The following GLT8D2 variants were observed in gnomAD, a reference collection of about 807,000 sequenced individuals.
The protein encoded by GLT8D2 is glycosyltransferase 8 domain containing 2, also known as glycosyltransferase 8 domain-containing protein 2.
A neutral mutation model predicts 44.5 loss-of-function variants in GLT8D2; 45 were observed. The ratio of observed to expected loss-of-function variants is 1.01; its 90% CI spans 0.80 to 1.30. GLT8D2 has a LOEUF of 1.30. GLT8D2 is among the 50% of genes most tolerant of loss of function. The pLI is 0.00. For missense variants in GLT8D2, 400 were observed against 430.4 expected, an observed-to-expected ratio of 0.93 and a Z score of 0.62; for synonymous variants, 156 against 157.2, an observed-to-expected ratio of 0.99 and a Z score of 0.06.
intron 9 of GLT8D2, chr12:103,993,730 T>C: frequency 2.5e-6 from 1 of 399,864 alleles, no homozygotes. Context: ...AGTGTTAATA[T>C]TTTGCCATTT....
At chr12:104,007,651 T>C (rs1875250959) in intron 4 of GLT8D2, among the ~76,000 whole-genome samples, 1 of 152,264 alleles carries the variant, frequency 6.6e-6, no homozygotes, top group South Asian at 2.1e-4. Flanking sequence ...TGTCTATTTA[T>C]GGAATTAGGA....
At chr12:104,039,736 G>A (rs1202263465) in intron 1 of GLT8D2, among the ~76,000 whole-genome samples, 1 of 152,204 alleles carries the variant, frequency 6.6e-6, no homozygotes, top group Non-Finnish European at 1.5e-5. Context: ...AAGACAGTGT[G>A]GTGATGCCTC....
intron 4 of GLT8D2, among the ~76,000 whole-genome samples, chr12:104,003,777 C>T (rs1392471090): frequency 6.6e-6 from 1 of 152,114 alleles, no homozygotes; most frequent in Non-Finnish European, 1.5e-5. Flanking sequence ...ATACATCAGA[C>T]TTATACTTGA....
intron 4 of GLT8D2, among the ~76,000 whole-genome samples, chr12:104,007,310 T>C (rs1218299897): frequency 7.4e-6 from 1 of 135,290 alleles, no homozygotes; most frequent in Non-Finnish European, 1.6e-5. Context: ...CCCTTCTCTT[T>C]CCAGATCCTT....
chr12:103,991,528 CAA>C (rs1220862177), intron 10 of GLT8D2, among the ~76,000 whole-genome samples: 4 of 152,100 alleles, frequency 2.6e-5, no homozygotes, highest in Non-Finnish European at 5.9e-5. Flanking sequence ...GAGTCTGTCT[CAA>C]GATCATAAAA....
chr12:103,990,123 A>ATC (rs1872565361), intron 10 of GLT8D2, among the ~76,000 whole-genome samples: 2 of 63,880 alleles, frequency 3.1e-5, no homozygotes, highest in Non-Finnish European at 3.0e-5. Flanking sequence ...ATATATATAT[A>ATC]TATATATATA....
At position 104,016,756 on chromosome 12, in the gene GLT8D2, AAAGAAAGAAAGAAAGAAAGAAGG is replaced by A. The variant is rs1462569444; in HGVS notation, c.20-1674_20-1652del. Reference sequence around the variant, plus strand: ...GAAAGAAAGAAAGAAAGAAAGAAAGAAAGAAAGAAAGAAAGAAAGAAGGAAGGAAGGAAGGAAGGAAGGAAGGA... The same window carrying A: ...GAAAGAAAGAAAGAAAGAAAGAAAGAAAGGAAGGAAGGAAGGAAGGAAGGA... On this transcript the variant is annotated intron_variant, in intron 3 of 10. Coordinates refer to ENST00000360814, the MANE Select transcript of GLT8D2 (RefSeq NM_001384711.1). Among the ~76,000 whole-genome samples, 86 of 108,860 alleles carry A rather than the reference AAAGAAAGAAAGAAAGAAAGAAGG, an allele frequency of 7.9e-4. 1 individual carries two copies. In the East Asian group the frequency reaches 0.018, roughly 23 times the overall value. The allele number at this position is 108,860 out of a possible 152,430, so 71.4% of individuals were successfully genotyped here.
At chr12:104,004,072 AACATAC>A (rs1446266636) in intron 4 of GLT8D2, among the ~76,000 whole-genome samples, 1 of 152,240 alleles carries the variant, frequency 6.6e-6, no homozygotes, top group Admixed American at 6.5e-5. Context: ...AGGCTGGTTC[AACATAC>A]ACAAATCAAT....
chr12:103,989,365 T>G lies in GLT8D2; in HGVS notation c.*43A>C. Reference sequence around the variant, plus strand: ...GTTATAGTTGGCTACAAAGGGACAATTCCACATTTCTATACAGGGAATATT... The same window carrying G: ...GTTATAGTTGGCTACAAAGGGACAAGTCCACATTTCTATACAGGGAATATT... On this transcript the variant is annotated 3_prime_UTR_variant, in exon 11 of 11. Coordinates refer to ENST00000360814, the MANE Select transcript of GLT8D2 (RefSeq NM_001384711.1). The G allele has an allele frequency of 6.7e-7, 1 of 1,481,804 alleles. No homozygotes were observed. Among genetic ancestry groups the G allele is most frequent in the Non-Finnish European group, 9.2e-7 (1 of 1,090,044 alleles). The allele number at this position is 1,481,804 out of a possible 1,614,324, so 91.8% of individuals were successfully genotyped here. A position where few individuals can be genotyped will look rare whatever the true frequency, so the allele number is the denominator to read the frequency against.
At chr12:103,996,679 A>T in intron 8 of GLT8D2, 56 bp downstream of exon 8, 1 of 1,224,232 alleles carries the variant, frequency 8.2e-7, no homozygotes, top group East Asian at 2.3e-5. Context: ...CAGAGGGGGG[A>T]GAAGGGGCCA....
intron 1 of GLT8D2, among the ~76,000 whole-genome samples, chr12:104,026,744 A>T (rs1424950626): frequency 6.6e-6 from 1 of 152,202 alleles, no homozygotes; most frequent in African/African-American, 2.4e-5. Flanking sequence ...CAATTACCCC[A>T]GGAGTTGGCA....
At chr12:104,064,397 C>A (rs1442406024), upstream of GLT8D2, 5 of 590,642 alleles carry the variant, frequency 8.5e-6, no homozygotes, top group South Asian at 3.8e-5. This position sits in a 1 kb window ranked among gnomAD's most constrained non-coding sequence, Gnocchi z 7.3. Context: ...TCAGGACCCC[C>A]CTTCCCCAGC....
chr12:104,007,282 C>T (rs1875193626), intron 4 of GLT8D2, among the ~76,000 whole-genome samples: 1 of 135,866 alleles, frequency 7.4e-6, no homozygotes, highest in Admixed American at 8.0e-5. Flanking sequence ...GCTCTCTCCA[C>T]CTGCTCTCTC....
At chr12:104,045,892 T>TAGA (rs1555281856) in intron 1 of GLT8D2, among the ~76,000 whole-genome samples, 3 of 112,028 alleles carry the variant, frequency 2.7e-5, no homozygotes, top group South Asian at 3.4e-4. Context: ...AAAAGAAAGA[T>TAGA]AAGAAAGAAA....
intron 1 of GLT8D2, among the ~76,000 whole-genome samples, chr12:104,029,458 T>C (rs992409274): frequency 1.3e-5 from 2 of 152,124 alleles, no homozygotes; most frequent in Non-Finnish European, 2.9e-5. Context: ...AGGAGACACA[T>C]ACATTAATTT....
chr12:104,019,571 T>C (rs371288697), intron 3 of GLT8D2, 59 bp downstream of exon 3: 1 of 1,396,934 alleles, frequency 7.2e-7, no homozygotes, highest in Non-Finnish European at 1.0e-6. Flanking sequence ...AGCCCCAGCC[T>C]CAAAACCATC....
intron 8 of GLT8D2, among the ~76,000 whole-genome samples, chr12:103,996,374 A>G (rs1333408985): frequency 6.6e-6 from 1 of 152,220 alleles, no homozygotes; most frequent in African/African-American, 2.4e-5. Flanking sequence ...GAGCATGGTG[A>G]TGAGCAACCT....
chr12:104,011,944 G>A (rs1048131586), intron 4 of GLT8D2, among the ~76,000 whole-genome samples: 1 of 151,730 alleles, frequency 6.6e-6, no homozygotes, highest in Admixed American at 6.6e-5. Flanking sequence ...CACTAAGGTG[G>A]GCAGATCATC....
chr12:104,007,239 T>TCTCTCTCTCC (rs1875164926), intron 4 of GLT8D2, among the ~76,000 whole-genome samples: 2 of 142,382 alleles, frequency 1.4e-5, no homozygotes, highest in African/African-American at 2.6e-5. Flanking sequence ...TAAAGCTCTC[T>TCTCTCTCTCC]CTCTCTCTCT....
Sources: gnomAD v4.1 joint callset for allele counts (sites outside exome capture counted in the v4.1 genomes callset) on GRCh38, gnomAD v4.1.1 for gene constraint, Gnocchi (gnomAD v3.1) non-coding constraint, MANE v1.5 for transcripts, NCBI Gene and HGNC (gene_info 2026-07-23, HGNC 2026-07-21) for gene names.